CMPK2: variants seen among roughly 807,000 people sequenced by gnomAD.
CMPK2 encodes the protein UMP-CMP kinase 2, mitochondrial.
In CMPK2, 32 loss-of-function variants were observed where a neutral mutation model predicts 33.4. That is an observed-to-expected ratio of 0.96 (90% confidence interval 0.72 to 1.29). CMPK2 has a LOEUF of 1.29. Among genes scored for constraint, CMPK2 ranks in the 50% most tolerant of loss-of-function variants. The pLI, the probability that CMPK2 is intolerant of heterozygous loss-of-function variation, is 0.00. For missense variants in CMPK2, 672 were observed against 616.0 expected, an observed-to-expected ratio of 1.09 and a Z score of -0.96; for synonymous variants, 299 against 275.3, an observed-to-expected ratio of 1.09 and a Z score of -0.85.
chr2:6,861,312 A>G lies in CMPK2; in HGVS notation c.864T>C (p.Ile288=). Residue 288 remains isoleucine, a synonymous_variant, in exon 3 of 5, where the codon ATT becomes ATC. Coordinates refer to ENST00000256722, the MANE Select transcript of CMPK2 (RefSeq NM_207315.4). ...CATCAAAGATCTTCCTCCACTGGCC[A>G]ATGCAAGAGGGTGGTGACTTTAAGA... ...AVLLKSPPSC[I]GQWRKIFDDE... is the part of the protein sequence containing the mutation. 3 of 1,614,146 alleles carry G rather than the reference A, an allele frequency of 1.9e-6. No homozygotes were observed. Among genetic ancestry groups the G allele is most frequent in the Non-Finnish European group, 2.5e-6 (3 of 1,180,000 alleles).
intron 3 of CMPK2, among the ~76,000 whole-genome samples, chr2:6,842,661 G>C (rs1349947621): frequency 6.6e-6 from 1 of 152,204 alleles, no homozygotes; most frequent in Non-Finnish European, 1.5e-5. Flanking sequence ...TGCTTTAGCT[G>C]TTTAAATGCC....
In CMPK2 at chr2:6,849,840, G is replaced by A. The variant is rs1444284620; in HGVS notation, c.*10C>T. 5.6e-6 allele frequency: 9 copies of A among 1,613,672 alleles called. No individual in the cohort carries two copies. The highest frequency in any genetic ancestry group is 7.6e-6 in the Non-Finnish European group (9 of 1,179,856). On this transcript the variant is annotated 3_prime_UTR_variant, in exon 5 of 5. Transcript: ENST00000256722. ...CTAATCTAGTTAGACGTGGCACCTG[G>A]CCAGAGTAACTACGGTTCACTAAAA... is the stretch of plus-strand genomic sequence containing the variant.
intron 3 of CMPK2, among the ~76,000 whole-genome samples, chr2:6,852,707 C>T (rs898103208): frequency 9.2e-5 from 14 of 152,046 alleles, no homozygotes; most frequent in Middle Eastern, 3.2e-3. Flanking sequence ...AATAGATATG[C>T]AATGAAAGAA....
chr2:6,866,044 A>G (rs1164863085), upstream of CMPK2: 6 of 346,882 alleles, frequency 1.7e-5, no homozygotes, highest in South Asian at 2.0e-4. Flanking sequence ...GTCGGCCCCA[A>G]GGTAGCTCCG....
At chr2:6,845,811 CT>C (rs1322439084), downstream of CMPK2, among the ~76,000 whole-genome samples, 1 of 152,148 alleles carries the variant, frequency 6.6e-6, no homozygotes, top group East Asian at 1.9e-4. Context: ...CATAAAATTC[CT>C]TTTTTAAAAA....
Position 6,861,341 on chromosome 2 carries a change from C to G in CMPK2, c.835G>C (p.Val279Leu). ...TQSVADSLKA[V>L]LLKSPPSCIG... ...CAAGAGGGTGGTGACTTTAAGAGGA[C>G]AGCCTTAAGTGAATCTGCCACTGAC... Residue 279 changes from valine (V) to leucine (L), a missense_variant, in exon 3 of 5, where the codon GTC becomes CTC. Val to Leu is a conservative substitution (Grantham distance 32). Coordinates refer to ENST00000256722, the MANE Select transcript of CMPK2 (RefSeq NM_207315.4). 6.2e-7 allele frequency: 1 copy of G among 1,614,156 alleles called. No homozygotes were observed. Among genetic ancestry groups the G allele is most frequent in the Middle Eastern group, 1.6e-4 (1 of 6,062 alleles).
At chr2:6,843,937 C>T (rs1227705397), downstream of CMPK2, among the ~76,000 whole-genome samples, 3 of 152,098 alleles carry the variant, frequency 2.0e-5, no homozygotes, top group African/African-American at 7.2e-5. Flanking sequence ...AATGGCAGTT[C>T]GAGTTGCTGG....
At chr2:6,850,777 T>C (rs770844596) in intron 4 of CMPK2, 230 of 985,544 alleles carry the variant, frequency 2.3e-4, no homozygotes, top group Non-Finnish European at 2.7e-4. Context: ...GCTATCATTG[T>C]TCAGTTAGAG....
At chr2:6,842,564 C>A (rs900393297) in intron 3 of CMPK2, among the ~76,000 whole-genome samples, 1 of 152,172 alleles carries the variant, frequency 6.6e-6, no homozygotes, top group African/African-American at 2.4e-5. Context: ...AGTTAAGACT[C>A]CCAAAGCTAT....
At chr2:6,844,456 G>A (rs753966791), downstream of CMPK2, among the ~76,000 whole-genome samples, 3 of 152,090 alleles carry the variant, frequency 2.0e-5, no homozygotes, top group Non-Finnish European at 4.4e-5. Flanking sequence ...TTCTATAAAC[G>A]CTGAGAAATT....
At chr2:6,841,395 G>T (rs1662230319) in intron 3 of CMPK2, among the ~76,000 whole-genome samples, 1 of 152,084 alleles carries the variant, frequency 6.6e-6, no homozygotes, top group Non-Finnish European at 1.5e-5. Flanking sequence ...TTGTTGAGGG[G>T]ATTGTTTTTG....
chr2:6,851,228 G>T, intron 4 of CMPK2: 1 of 1,348,454 alleles, frequency 7.4e-7, no homozygotes, highest in Non-Finnish European at 9.6e-7. Context: ...TCAGTGGCAG[G>T]GTCTGATCCC....
chr2:6,862,399 C>CA (rs1662908809), intron 2 of CMPK2, among the ~76,000 whole-genome samples: 1 of 152,220 alleles, frequency 6.6e-6, no homozygotes, highest in Non-Finnish European at 1.5e-5. Flanking sequence ...AAATGCAGGG[C>CA]AGACGGAACC....
At chr2:6,862,279 C>T (rs4669107) in intron 2 of CMPK2, among the ~76,000 whole-genome samples, 138,168 of 152,224 alleles carry the variant, frequency 0.91, 64,116 homozygotes, top group East Asian at 1. Context: ...TCCCAGTGAC[C>T]CTGCAAAACA....
At chr2:6,860,091 T>C (rs1477754444) in intron 3 of CMPK2, among the ~76,000 whole-genome samples, 2 of 152,252 alleles carry the variant, frequency 1.3e-5, no homozygotes, top group Non-Finnish European at 2.9e-5. Flanking sequence ...CAGACTTGCA[T>C]GGAGCCTGTA....
chr2:6,855,207 T>C (rs557180077), intron 3 of CMPK2, among the ~76,000 whole-genome samples: 2 of 150,932 alleles, frequency 1.3e-5, no homozygotes, highest in Non-Finnish European at 3.0e-5. Flanking sequence ...CCTGTGGGAG[T>C]TGACTGGATC....
chr2:6,861,064 A>T, intron 3 of CMPK2, 120 bp downstream of exon 3: 1 of 814,442 alleles, frequency 1.2e-6, no homozygotes, highest in Non-Finnish European at 2.0e-6. Flanking sequence ...CTTAAACACA[A>T]TTTTTTTCCT....
rs1662450012 is a variant in CMPK2, at chr2:6,849,526, G to A, written c.*324C>T. The A allele has an allele frequency of 2.8e-6, 3 of 1,080,162 alleles. No individual in the cohort carries two copies. Among genetic ancestry groups the A allele is most frequent in the Non-Finnish European group, 3.4e-6 (3 of 890,164 alleles). The allele number at this position is 1,080,162 out of a possible 1,614,324, so 66.9% of individuals were successfully genotyped here. On this transcript the variant is annotated 3_prime_UTR_variant, in exon 5 of 5. Coordinates refer to ENST00000256722, the MANE Select transcript of CMPK2 (RefSeq NM_207315.4). ...TCTTGTCTGCTGCTTCTGTACACCT[G>A]GTGCTGTCTGAGTAAGACAGGTCTT...
Position 6,861,228 on chromosome 2 carries a change from G to A in CMPK2, c.948C>T (p.Ser316=), listed in dbSNP as rs201974246. The A allele has an allele frequency of 2.5e-4, 410 of 1,613,782 alleles. No individual in the cohort carries two copies. Among genetic ancestry groups the A allele is most frequent in the Non-Finnish European group, 3.2e-4 (375 of 1,179,952 alleles). ...ATTTGGCAGATTCTTTAGCTATTTCGGAGGCCACAATATAATTGCCCAAAG... is the reference window on the plus strand; with the variant it reads ...ATTTGGCAGATTCTTTAGCTATTTCAGAGGCCACAATATAATTGCCCAAAG... The part of the protein sequence containing the change: ...FYSLGNYIVA[S]EIAKESAKSP... The change falls in exon 3 of 5, where the codon TCC becomes TCT. Residue 316 remains serine (S), a synonymous_variant. Transcript: ENST00000256722.
Sources: gnomAD v4.1 joint callset for allele counts (sites outside exome capture counted in the v4.1 genomes callset) on GRCh38, gnomAD v4.1.1 for gene constraint, MANE v1.5 for transcripts, NCBI Gene and HGNC (gene_info 2026-07-23, HGNC 2026-07-21) for gene names.